Variants in FBXW2 observed in about 807,000 individuals in gnomAD.
The protein encoded by FBXW2 is F-box and WD repeat domain containing 2.
Under a neutral mutation model 46.0 loss-of-function variants are expected in FBXW2, and 12 were observed. The ratio of observed to expected loss-of-function variants is 0.26; its 90% CI spans 0.17 to 0.42. The LOEUF is 0.42. Ranked by LOEUF, FBXW2 falls within the 10% of genes least tolerant of loss-of-function variation. FBXW2 has a pLI of 1.00. For missense variants in FBXW2, 360 were observed against 537.0 expected (o/e 0.67, Z 3.26); for synonymous variants, 203 against 209.6 (o/e 0.97, Z 0.27).
Position 120,767,252 on chromosome 9 carries a change from A to G in FBXW2, c.1077-2405T>C, listed in dbSNP as rs753775564. 9.9e-4 allele frequency among the ~76,000 whole-genome samples: 151 copies of G among 152,374 alleles called. 2 individuals are homozygous for G. Among genetic ancestry groups the G allele is most frequent in the Non-Finnish European group, 1.9e-3 (130 of 68,042 alleles). Reference sequence around the variant, plus strand: ...AGAATATCAACAAGACATCACTTCTATGAAACTAAGAAAATAGTTAACAGG... The same window carrying G: ...AGAATATCAACAAGACATCACTTCTGTGAAACTAAGAAAATAGTTAACAGG... On this transcript the variant is annotated intron_variant, in intron 7 of 7. Transcript: ENST00000608872.
At chr9:120,782,302 C>T (rs1003954073) in intron 3 of FBXW2, among the ~76,000 whole-genome samples, 10 of 150,146 alleles carry the variant, frequency 6.7e-5, no homozygotes, top group Non-Finnish European at 1.5e-4. Context: ...CCCGTCTGTA[C>T]TAAAAATACA....
intron 4 of FBXW2, among the ~76,000 whole-genome samples, chr9:120,777,837 C>T (rs545703159): frequency 9.9e-5 from 15 of 151,272 alleles, no homozygotes; most frequent in Middle Eastern, 3.4e-3. Context: ...ATGTTTCTTT[C>T]GCCTTATCTC....
chr9:120,792,958 T>G (rs1304343923), intron 2 of FBXW2, 191 bp downstream of exon 2: 1 of 1,533,596 alleles, frequency 6.5e-7, no homozygotes, highest in African/African-American at 1.4e-5. Flanking sequence ...CTCATCACAC[T>G]TCATCGTCTT....
intron 3 of FBXW2, among the ~76,000 whole-genome samples, chr9:120,781,895 C>T (rs1036690077): frequency 1.3e-5 from 2 of 150,988 alleles, no homozygotes; most frequent in African/African-American, 4.9e-5. Context: ...TGGTGGCGCA[C>T]GCCTGTAATC....
At chr9:120,769,083 T>C (rs1325014947) in intron 7 of FBXW2, among the ~76,000 whole-genome samples, 3 of 152,224 alleles carry the variant, frequency 2.0e-5, no homozygotes, top group Non-Finnish European at 4.4e-5. Flanking sequence ...TCTGGGTCCT[T>C]GAACCTAAGT....
chr9:120,773,012 T>C (rs946976290), intron 5 of FBXW2, among the ~76,000 whole-genome samples, 172 bp from the exon 6 acceptor site: 1 of 152,198 alleles, frequency 6.6e-6, no homozygotes, highest in African/African-American at 2.4e-5. Flanking sequence ...TTCTCTGTTA[T>C]TAGCAGTATC....
At chr9:120,782,725 C>T (rs2044642292) in intron 3 of FBXW2, among the ~76,000 whole-genome samples, 1 of 152,008 alleles carries the variant, frequency 6.6e-6, no homozygotes, top group East Asian at 1.9e-4. Context: ...ACACGTAGTC[C>T]CAGCTACTTG....
At chr9:120,766,759 G>A (rs1204361460) in intron 7 of FBXW2, among the ~76,000 whole-genome samples, 1 of 152,052 alleles carries the variant, frequency 6.6e-6, no homozygotes. Context: ...TGCACCCAGC[G>A]TGTTATCTCA....
At chr9:120,780,920 A>G (rs2044597982) in intron 3 of FBXW2, among the ~76,000 whole-genome samples, 1 of 152,134 alleles carries the variant, frequency 6.6e-6, no homozygotes, top group Non-Finnish European at 1.5e-5. Context: ...TGAATTTATG[A>G]CCATGCTCTA....
rs767459165 is a variant in FBXW2, at chr9:120,776,084, T to G, written c.819+9A>C. ...TGATAAGCAGGAGACTTCTTCCAAG[T>G]CTTCCTACCTTGGTGACCCATTCCG... On this transcript the variant is annotated intron_variant, in intron 5 of 7. Transcript: ENST00000608872. The G allele has an allele frequency of 6.2e-7, 1 of 1,613,094 alleles. No homozygotes were observed. The highest frequency in any genetic ancestry group is 8.5e-7 in the Non-Finnish European group (1 of 1,179,658).
chr9:120,772,377 C>T (rs1021907378), intron 6 of FBXW2, among the ~76,000 whole-genome samples: 5 of 152,008 alleles, frequency 3.3e-5, no homozygotes, highest in African/African-American at 1.2e-4. Flanking sequence ...CCTGTAGTCC[C>T]AGCTACTCGG....
chr9:120,781,434 C>T (rs949347442), intron 3 of FBXW2, among the ~76,000 whole-genome samples: 5 of 151,932 alleles, frequency 3.3e-5, no homozygotes, highest in African/African-American at 4.8e-5. Context: ...AGTCTGACTG[C>T]GAAATAGTGG....
At chr9:120,781,390 C>G (rs1442957826) in intron 3 of FBXW2, among the ~76,000 whole-genome samples, 1 of 152,142 alleles carries the variant, frequency 6.6e-6, no homozygotes, top group African/African-American at 2.4e-5. Context: ...AAAAGCACTG[C>G]CTAAAACATG....
intron 3 of FBXW2, among the ~76,000 whole-genome samples, chr9:120,781,635 TACACACACACACAC>T (rs1161130344): frequency 5.3e-4 from 23 of 43,548 alleles, no homozygotes; most frequent in African/African-American, 6.6e-4. Context: ...TTTATATACA[TACACACACACACAC>T]ACACACACAC....
chr9:120,771,551 A>T (rs1191665541), intron 6 of FBXW2, 34 bp from the exon 7 acceptor site: 1 of 1,574,394 alleles, frequency 6.4e-7, no homozygotes, highest in Non-Finnish European at 8.7e-7. Context: ...AAGATGAGAG[A>T]TCACATCACT....
At chr9:120,776,946 CA>C (rs2044509506) in intron 4 of FBXW2, among the ~76,000 whole-genome samples, 1 of 151,990 alleles carries the variant, frequency 6.6e-6, no homozygotes, top group Non-Finnish European at 1.5e-5. Context: ...GCTAGGGAAA[CA>C]TCAAGGAGAA....
rs2044219193 is a variant in FBXW2 at position 120,762,957 on chromosome 9, T to G, written c.*1602A>C. On this transcript the variant is annotated 3_prime_UTR_variant, in exon 8 of 8. Transcript: ENST00000608872. Reference sequence around the variant, plus strand: ...TTGCTCCCTCTACTCTCTCCCTGATTGTGACCACTAACATTTCCACTGCTG... The same window carrying G: ...TTGCTCCCTCTACTCTCTCCCTGATGGTGACCACTAACATTTCCACTGCTG... The G allele has an allele frequency of 2.6e-5, 4 of 152,220 alleles. No individual in the cohort carries two copies. The highest frequency in any genetic ancestry group is 2.0e-4 in the Admixed American group (3 of 15,282). The allele number at this position is 152,220 out of a possible 1,614,324, so 9.4% of individuals were successfully genotyped here. A position where few individuals can be genotyped will look rare whatever the true frequency, so the allele number is the denominator to read the frequency against.
chr9:120,783,934 G>C (rs938914214), intron 3 of FBXW2, among the ~76,000 whole-genome samples: 6 of 152,148 alleles, frequency 3.9e-5, no homozygotes, highest in Non-Finnish European at 4.4e-5. Flanking sequence ...GCCAAATTCA[G>C]GGTTTCCCAA....
At chr9:120,784,094 A>G (rs2044670125) in intron 3 of FBXW2, among the ~76,000 whole-genome samples, 1 of 152,264 alleles carries the variant, frequency 6.6e-6, no homozygotes. Context: ...ACCACTGCAC[A>G]GCGTAATTTT....
Sources: allele counts gnomAD v4.1 joint callset (sites outside exome capture counted in the v4.1 genomes callset), GRCh38; gene constraint gnomAD v4.1.1; transcripts MANE v1.5; gene names NCBI Gene and HGNC (gene_info 2026-07-23, HGNC 2026-07-21).